OGFOD3: variants seen among roughly 807,000 people sequenced by gnomAD.
OGFOD3 encodes the protein 2-oxoglutarate and iron dependent oxygenase domain containing 3.
Under a neutral mutation model 39.8 loss-of-function variants are expected in OGFOD3, and 35 were observed. That is an observed-to-expected ratio of 0.88 (90% CI 0.67 to 1.17). The LOEUF (loss-of-function observed/expected upper bound fraction) is 1.17. OGFOD3 is among the 50% of genes most tolerant of loss of function. The probability of loss-of-function intolerance (pLI) is 0.00; values close to 1 mark genes in which losing one functional copy is unlikely to be tolerated. For missense variants in OGFOD3, 438 were observed against 454.5 expected (o/e 0.96, Z 0.33); for synonymous variants, 200 against 192.0 (o/e 1.04, Z -0.34).
chr17:82,407,641 C>T (rs922718436), intron 4 of OGFOD3, among the ~76,000 whole-genome samples: 2 of 152,238 alleles, frequency 1.3e-5, no homozygotes, highest in Admixed American at 1.3e-4. Flanking sequence ...CCACTGCTGC[C>T]CCTTCCTCAT....
At chr17:82,409,990 A>C (rs1397002431) in intron 3 of OGFOD3, among the ~76,000 whole-genome samples, 1 of 152,264 alleles carries the variant, frequency 6.6e-6, no homozygotes, top group Non-Finnish European at 1.5e-5. Flanking sequence ...GGCCAAGCTC[A>C]GGAGCCTGGG....
At position 82,406,459 on chromosome 17, in the gene OGFOD3, T is replaced by C. The variant is rs776836331; in HGVS notation, c.447A>G (p.Ser149=). The C allele has an allele frequency of 1.2e-6, 2 of 1,614,136 alleles. No individual in the cohort carries two copies. The highest frequency in any genetic ancestry group is 2.2e-5 in the South Asian group (2 of 91,088). ...AGTGCTTCCCGACAGACAGGGCCCC[T>C]GAGTGCAAGTCCAGAATGGATGCCT... ...DGGASILDLH[S]GALSVGKHFV... Residue 149 remains serine (S), a synonymous_variant, in exon 5 of 9, where the codon TCA becomes TCG. Coordinates refer to ENST00000313056, the MANE Select transcript of OGFOD3 (RefSeq NM_024648.3). This position sits in a 1 kb window ranked among gnomAD's most constrained non-coding sequence, Gnocchi z 5.2.
chr17:82,399,779 C>T (rs773880796), intron 7 of OGFOD3, among the ~76,000 whole-genome samples: 1 of 152,192 alleles, frequency 6.6e-6, no homozygotes, highest in Non-Finnish European at 1.5e-5. Context: ...CATTCCAGAA[C>T]CCAGCTGGGG....
intron 8 of OGFOD3, among the ~76,000 whole-genome samples, chr17:82,397,495 C>G (rs888327260): frequency 6.6e-6 from 1 of 150,722 alleles, no homozygotes; most frequent in Non-Finnish European, 1.5e-5. Context: ...CAAGCCTATG[C>G]GAGTTTCGGC....
intron 7 of OGFOD3, among the ~76,000 whole-genome samples, chr17:82,402,444 G>A (rs9915301): frequency 0.046 from 6,715 of 147,510 alleles, 470 homozygotes; most frequent in African/African-American, 0.16. Flanking sequence ...AAAAAAAAAA[G>A]AAAGAAAGAA....
In OGFOD3 at chr17:82,406,465, C is replaced by T. The variant is rs34315006; in HGVS notation, c.441G>A (p.Leu147=). 4.0e-3 allele frequency: 6,432 copies of T among 1,614,134 alleles called. 24 individuals carry two copies. The highest frequency in any genetic ancestry group is 4.9e-3 in the Non-Finnish European group (5,736 of 1,179,986). Residue 147 remains leucine, a synonymous_variant, in exon 5 of 9, where the codon TTG becomes TTA. Transcript: ENST00000313056. This position sits in a 1 kb window ranked among gnomAD's most constrained non-coding sequence, Gnocchi z 5.2. ...TCCCGACAGACAGGGCCCCTGAGTG[C>T]AAGTCCAGAATGGATGCCTGGAAAA... is the stretch of plus-strand genomic sequence containing the variant. ...GSDGGASILD[L]HSGALSVGKH... is the part of the protein sequence containing the mutation.
rs1371000426 is a variant in OGFOD3 at position 82,418,392 on chromosome 17, C to T, written c.74+20G>A. On this transcript the variant is annotated intron_variant, in intron 1 of 8. Transcript: ENST00000313056. ...CCTGTCCGCCGCCGCAGCGCGCGCC[C>T]TTCCCCTCCTCACCGCTACCTGCTC... 7.5e-6 allele frequency: 11 copies of T among 1,470,308 alleles called. No homozygotes were observed. The highest frequency in any genetic ancestry group is 2.9e-5 in the African/African-American group (2 of 67,840). 91.1% of individuals were successfully genotyped at this position (1,470,308 alleles called of 1,614,324 possible).
At position 82,405,822 on chromosome 17, in the gene OGFOD3, T is replaced by C. The variant is rs371392055; in HGVS notation, c.489-442A>G. Among the ~76,000 whole-genome samples, 23 of 152,248 alleles carry C rather than the reference T, an allele frequency of 1.5e-4. No individual in the cohort carries two copies. In the East Asian group the frequency reaches 2.9e-3, roughly 19 times the overall value. On this transcript the variant is annotated intron_variant, in intron 5 of 8. Coordinates refer to ENST00000313056, the MANE Select transcript of OGFOD3 (RefSeq NM_024648.3). ...AAAATTAGCTGGGCGTGGTGGTGCGTGCCTGTAATCCCAGCTACTCAGGAG... is the reference window on the plus strand; with the variant it reads ...AAAATTAGCTGGGCGTGGTGGTGCGCGCCTGTAATCCCAGCTACTCAGGAG...
At chr17:82,416,213 G>T (rs1379840124) in intron 1 of OGFOD3, among the ~76,000 whole-genome samples, 1 of 152,226 alleles carries the variant, frequency 6.6e-6, no homozygotes, top group Non-Finnish European at 1.5e-5. Context: ...TCCAGCCTGG[G>T]CAACAAGAGC....
rs890604053 is a variant in OGFOD3, at chr17:82,404,961, G to A, written c.545+363C>T. Among the ~76,000 whole-genome samples, 4 of 152,008 alleles carry A rather than the reference G, an allele frequency of 2.6e-5. No individual in the cohort carries two copies. Among genetic ancestry groups the A allele is most frequent in the Non-Finnish European group, 4.4e-5 (3 of 67,996 alleles). On this transcript the variant is annotated intron_variant, in intron 6 of 8. Transcript: ENST00000313056. This position sits in a 1 kb window ranked among gnomAD's most constrained non-coding sequence, Gnocchi z 4.5. ...TCACCATGTTGGCTAGGCTGGTCTCGAACTCCTGACCTCAGGTGATCCACC... is the reference window on the plus strand; with the variant it reads ...TCACCATGTTGGCTAGGCTGGTCTCAAACTCCTGACCTCAGGTGATCCACC...
In OGFOD3 at chr17:82,403,878, C is replaced by CACGCTCACCTTGT. The variant is rs1231283668; in HGVS notation, c.699+58_699+59insACAAGGTGAGCGT. 2.8e-5 allele frequency: 43 copies of CACGCTCACCTTGT among 1,514,592 alleles called. No individual in the cohort carries two copies. In the African/African-American group the frequency reaches 5.2e-4, roughly 18 times the overall value. 93.8% of individuals were successfully genotyped at this position (1,514,592 alleles called of 1,614,324 possible). A position where few individuals can be genotyped will look rare whatever the true frequency, so the allele number is the denominator to read the frequency against. On this transcript the variant is annotated intron_variant, in intron 7 of 8. Coordinates refer to ENST00000313056, the MANE Select transcript of OGFOD3 (RefSeq NM_024648.3). ...CCTGCCCACGTGCGCACTCACCGTGCCCACGGGCACGCTCACCTTGTCCAC... is the reference window on the plus strand; with the variant it reads ...CCTGCCCACGTGCGCACTCACCGTGCACGCTCACCTTGTCCACGGGCACGCTCACCTTGTCCAC...
chr17:82,411,221 T>C (rs1445277678), intron 3 of OGFOD3, among the ~76,000 whole-genome samples: 1 of 150,782 alleles, frequency 6.6e-6, no homozygotes, highest in Non-Finnish European at 1.5e-5. Flanking sequence ...TAATTTATTG[T>C]ATTTTAGTAG....
In OGFOD3 at chr17:82,400,629, G is replaced by C. The variant is rs571199671; in HGVS notation, c.700-2310C>G. 3.9e-5 allele frequency: 6 copies of C among 152,070 alleles called. No individual in the cohort carries two copies. In the East Asian group the frequency reaches 1.2e-3, roughly 29 times the overall value. The allele number at this position is 152,070 out of a possible 1,614,324, so 9.4% of individuals were successfully genotyped here. On this transcript the variant is annotated intron_variant, in intron 7 of 8. Coordinates refer to ENST00000313056, the MANE Select transcript of OGFOD3 (RefSeq NM_024648.3). ...GTTACCTGTAGGTGAGGGGGTTACT[G>C]GTTCGCCTTTATTTATATACATATA...
At chr17:82,405,926 C>T (rs922227618) in intron 5 of OGFOD3, among the ~76,000 whole-genome samples, 10 of 152,028 alleles carry the variant, frequency 6.6e-5, no homozygotes, top group Admixed American at 3.9e-4. Context: ...CCAGCCTAGG[C>T]GACAGAGCAA....
rs1334507637 is a variant in OGFOD3 at position 82,405,508 on chromosome 17, AATG to A, written c.489-131_489-129del. On this transcript the variant is annotated intron_variant, in intron 5 of 8. Coordinates refer to ENST00000313056, the MANE Select transcript of OGFOD3 (RefSeq NM_024648.3). Reference sequence around the variant, plus strand: ...ACATTCAGAGCAACTCCATTTCCACAATGATAACTGCTATAAAGGAGCCGGGCC... The same window carrying A: ...ACATTCAGAGCAACTCCATTTCCACAATAACTGCTATAAAGGAGCCGGGCC... 17 of 792,360 alleles carry A rather than the reference AATG, an allele frequency of 2.1e-5. No individual in the cohort carries two copies. In the East Asian group the frequency reaches 3.1e-4, roughly 15 times the overall value. The allele number at this position is 792,360 out of a possible 1,614,324, so 49.1% of individuals were successfully genotyped here.
Position 82,415,594 on chromosome 17 carries a change from C to T in OGFOD3, c.108G>A (p.Gln36=), listed in dbSNP as rs549112029. The T allele has an allele frequency of 2.0e-5, 32 of 1,613,374 alleles. No homozygotes were observed. Among genetic ancestry groups the T allele is most frequent in the Admixed American group, 3.3e-5 (2 of 59,998 alleles). The change falls in exon 2 of 9, where the codon CAG becomes CAA. Residue 36 remains glutamine (Q), a synonymous_variant. Coordinates refer to ENST00000313056, the MANE Select transcript of OGFOD3 (RefSeq NM_024648.3). The surrounding 1 kb of genome is among the most constrained non-coding windows in gnomAD (Gnocchi z 5.3). ...TKKDRAPREV[Q]RLWQRPWLRT... ...TTAGCCACGGCCTCTGCCACAGCCT[C>T]TGCACCTCCCGCGGGGCTCGGTCCT...
intron 8 of OGFOD3, chr17:82,393,448 G>C (rs906881459): frequency 9.9e-5 from 15 of 152,258 alleles, no homozygotes; most frequent in African/African-American, 3.6e-4. Context: ...ACTGTGCCTG[G>C]AAATAGTGGA....
intron 1 of OGFOD3, 118 bp downstream of exon 1, chr17:82,418,293 TG>T (rs2053112429): frequency 1.8e-4 from 1 of 5,546 alleles, no homozygotes; most frequent in Non-Finnish European, 4.0e-4. Flanking sequence ...CACGCCCACC[TG>T]CCCCCCCCCA....
At chr17:82,398,367 G>A (rs1269019744) in intron 7 of OGFOD3, 48 bp from the exon 8 acceptor site, 1 of 1,609,662 alleles carries the variant, frequency 6.2e-7, no homozygotes, top group African/African-American at 1.3e-5. Context: ...CTCAGCATGC[G>A]ACCAGGGCAG....
Sources: gnomAD v4.1 joint callset for allele counts (sites outside exome capture counted in the v4.1 genomes callset) on GRCh38, gnomAD v4.1.1 for gene constraint, Gnocchi (gnomAD v3.1) non-coding constraint, MANE v1.5 for transcripts, NCBI Gene and HGNC (gene_info 2026-07-23, HGNC 2026-07-21) for gene names.